The following CERS3 variants were observed in gnomAD, a reference collection of about 807,000 sequenced individuals.
The protein encoded by CERS3 is ceramide synthase 3, also known as LAG1 homolog, ceramide synthase 3.
A neutral mutation model predicts 50.3 loss-of-function variants in CERS3; 33 were observed. The observed-to-expected ratio is 0.66, with a 90% CI of 0.50 to 0.88. The LOEUF is 0.88. Ranked by LOEUF, CERS3 falls within the 40% of genes least tolerant of loss-of-function variation. The pLI, the probability that CERS3 is intolerant of heterozygous loss-of-function variation, is 0.00. For synonymous variants in CERS3, 176 were observed against 155.2 expected (o/e 1.13, Z -0.99); for missense variants, 470 against 460.3 (o/e 1.02, Z -0.19).
At chr15:100,483,947 A>T (rs2654634) in intron 5 of CERS3, among the ~76,000 whole-genome samples, 3 of 150,276 alleles carry the variant, frequency 2.0e-5, no homozygotes, top group Non-Finnish European at 4.4e-5. Context: ...CGCCCAGCTA[A>T]TTTTTTGTAT....
At chr15:100,523,504 A>C (rs183524298) in intron 1 of CERS3, among the ~76,000 whole-genome samples, 1 of 152,128 alleles carries the variant, frequency 6.6e-6, no homozygotes, top group East Asian at 1.9e-4. Flanking sequence ...GATTGCGACC[A>C]TCCTGGCTAA....
intron 11 of CERS3, among the ~76,000 whole-genome samples, chr15:100,450,842 C>T (rs970947737): frequency 2.0e-4 from 31 of 151,912 alleles, no homozygotes; most frequent in African/African-American, 3.1e-4. Context: ...GAACCATCAT[C>T]GGACTAACAA....
intron 5 of CERS3, among the ~76,000 whole-genome samples, chr15:100,480,888 A>G (rs1461014599): frequency 2.0e-5 from 3 of 152,154 alleles, no homozygotes; most frequent in African/African-American, 7.2e-5. Flanking sequence ...AGGACATAGG[A>G]TTGGCCTTGA....
At chr15:100,513,956 A>G (rs2036424455) in intron 2 of CERS3, among the ~76,000 whole-genome samples, 1 of 152,162 alleles carries the variant, frequency 6.6e-6, no homozygotes, top group Admixed American at 6.5e-5. Flanking sequence ...CAGATCCCCC[A>G]AGGTTCCATA....
chr15:100,452,568 T>C (rs891530755), intron 11 of CERS3, among the ~76,000 whole-genome samples: 3 of 152,008 alleles, frequency 2.0e-5, no homozygotes, highest in Non-Finnish European at 4.4e-5. Context: ...AGATGTCATA[T>C]AAAAAATCTA....
intron 2 of CERS3, among the ~76,000 whole-genome samples, chr15:100,502,815 A>C (rs1185813414): frequency 6.6e-6 from 1 of 152,158 alleles, no homozygotes; most frequent in Non-Finnish European, 1.5e-5. Flanking sequence ...AGGTATGCTA[A>C]AAAACGTATA....
chr15:100,450,416 C>CAAAA (rs34873483), intron 11 of CERS3, among the ~76,000 whole-genome samples: 88 of 63,402 alleles, frequency 1.4e-3, no homozygotes, highest in South Asian at 3.1e-3. Context: ...GACTCTGTCT[C>CAAAA]AAAAAAAAAA....
chr15:100,541,744 AATG>A (rs2037207172), intron 1 of CERS3, among the ~76,000 whole-genome samples: 2 of 152,246 alleles, frequency 1.3e-5, no homozygotes, highest in Admixed American at 1.3e-4. Context: ...CTTATTAAAA[AATG>A]GAATAAAAAT....
At chr15:100,439,928 C>T (rs945300733) in intron 11 of CERS3, among the ~76,000 whole-genome samples, 2 of 152,200 alleles carry the variant, frequency 1.3e-5, no homozygotes, top group African/African-American at 4.8e-5. Context: ...GGCTCCCCAA[C>T]CTGCTGGGTT....
At chr15:100,406,240 A>G (rs781684649) in intron 11 of CERS3, among the ~76,000 whole-genome samples, 7 of 152,204 alleles carry the variant, frequency 4.6e-5, no homozygotes, top group Non-Finnish European at 7.4e-5. Flanking sequence ...AGGCCAGTTC[A>G]CAAATGTCTC....
chr15:100,445,022 G>A (rs552530162), intron 11 of CERS3, among the ~76,000 whole-genome samples: 4,563 of 151,762 alleles, frequency 0.03, 97 homozygotes, highest in Admixed American at 0.064. Flanking sequence ...ACGGACTAAT[G>A]GTCTTTTAAA....
intron 11 of CERS3, among the ~76,000 whole-genome samples, chr15:100,426,772 A>G (rs1381331924): frequency 6.6e-6 from 1 of 152,230 alleles, no homozygotes; most frequent in Non-Finnish European, 1.5e-5. Flanking sequence ...GCTGTCTAAC[A>G]GTCTTTAAAC....
chr15:100,435,746 G>A (rs993878870), intron 11 of CERS3, among the ~76,000 whole-genome samples: 1 of 152,140 alleles, frequency 6.6e-6, no homozygotes, highest in Non-Finnish European at 1.5e-5. Flanking sequence ...CTAATATCCA[G>A]AATCTACAAT....
intron 2 of CERS3, among the ~76,000 whole-genome samples, chr15:100,507,257 T>A: frequency 6.6e-6 from 1 of 152,292 alleles, no homozygotes; most frequent in Non-Finnish European, 1.5e-5. Context: ...TGAAGAAGTG[T>A]CTCTCCCAGA....
In CERS3 at chr15:100,514,195, T is replaced by C. The variant is rs189334215; in HGVS notation, c.-2+7472A>G. On this transcript the variant is annotated intron_variant, in intron 2 of 11. Transcript: ENST00000679737. ...TTAGAATGAGTAAGTGGGTAAATGCTTGTAAATCGCTTTATTTCATGTCTG... is the reference window on the plus strand; with the variant it reads ...TTAGAATGAGTAAGTGGGTAAATGCCTGTAAATCGCTTTATTTCATGTCTG... 1.5e-4 allele frequency among the ~76,000 whole-genome samples: 23 copies of C among 152,338 alleles called. 1 individual carries two copies. Among genetic ancestry groups the C allele is most frequent in the African/African-American group, 4.8e-4 (20 of 41,584 alleles).
intron 1 of CERS3, among the ~76,000 whole-genome samples, chr15:100,538,277 G>A (rs2037120048): frequency 1.3e-5 from 2 of 152,198 alleles, no homozygotes; most frequent in Admixed American, 1.3e-4. Context: ...GGGGTCTGGA[G>A]GATGGTAGCC....
chr15:100,517,746 C>G (rs1047823416), intron 2 of CERS3, among the ~76,000 whole-genome samples: 2 of 151,996 alleles, frequency 1.3e-5, no homozygotes, highest in Non-Finnish European at 2.9e-5. Context: ...GATAAAGCAC[C>G]CCTTGGAAAA....
chr15:100,477,981 T>C (rs1304962858), intron 7 of CERS3, among the ~76,000 whole-genome samples: 2 of 152,188 alleles, frequency 1.3e-5, no homozygotes, highest in East Asian at 3.9e-4. Flanking sequence ...AGGAAGATAA[T>C]ATCATCCTGA....
upstream of CERS3, among the ~76,000 whole-genome samples, chr15:100,531,316 C>G (rs1433287899): frequency 6.6e-6 from 1 of 152,204 alleles, no homozygotes; most frequent in Non-Finnish European, 1.5e-5. Context: ...CTTCCCCCTT[C>G]TTCAGGGGCA....
Sources: allele counts gnomAD v4.1 joint callset (sites outside exome capture counted in the v4.1 genomes callset), GRCh38; gene constraint gnomAD v4.1.1; transcripts MANE v1.5; gene names NCBI Gene and HGNC (gene_info 2026-07-23, HGNC 2026-07-21).